The following KIF16B variants were observed in gnomAD, a reference collection of about 807,000 sequenced individuals.
The protein encoded by KIF16B is kinesin family member 16B.
KIF16B carries 98 observed loss-of-function variants against 156.3 expected under a neutral mutation model. The ratio of observed to expected loss-of-function variants is 0.63; its 90% CI spans 0.53 to 0.74. The LOEUF is 0.74. Among genes scored for constraint, KIF16B ranks in the 30% least tolerant of loss-of-function variants. The probability of loss-of-function intolerance (pLI) is 0.00; values close to 1 mark genes in which losing one functional copy is unlikely to be tolerated. For missense variants in KIF16B, 1,421 were observed against 1,606.5 expected (o/e 0.88, Z 1.97); for synonymous variants, 564 against 583.7 (o/e 0.97, Z 0.49).
At chr20:16,395,811 A>C (rs568449662) in intron 17 of KIF16B, among the ~76,000 whole-genome samples, 1 of 152,260 alleles carries the variant, frequency 6.6e-6, no homozygotes, top group South Asian at 2.1e-4. Context: ...TTATATCGAC[A>C]CATTCAACAC....
intron 25 of KIF16B, among the ~76,000 whole-genome samples, chr20:16,279,068 C>T (rs1036120799): frequency 2.6e-5 from 4 of 152,214 alleles, no homozygotes; most frequent in Admixed American, 6.5e-5. Context: ...TTCGGTATCT[C>T]CCTTACAGTG....
At position 16,494,307 on chromosome 20, in the gene KIF16B, G is replaced by A. The variant is rs1317155119; in HGVS notation, c.1286C>T (p.Thr429Ile). The stretch of plus-strand genomic sequence containing the variant: ...AGTCCTTACTTTCAAAATATTTTGG[G>A]TTTCATTCCACTTATTTGTCCATTC... ...TKEWTNKWNE[T>I]QNILKEQTLA... The change falls in exon 12 of 26, where the codon ACC becomes ATC. Residue 429 changes from threonine (T) to isoleucine (I), a missense_variant. By Grantham distance (89) the Thr-to-Ile change is moderately conservative. Transcript: ENST00000354981. 1.2e-6 allele frequency: 2 copies of A among 1,601,402 alleles called. No individual in the cohort carries two copies. The highest frequency in any genetic ancestry group is 1.7e-5 in the Admixed American group (1 of 59,034).
At chr20:16,546,226 T>C (rs1225050641) in intron 1 of KIF16B, among the ~76,000 whole-genome samples, 3 of 152,196 alleles carry the variant, frequency 2.0e-5, no homozygotes, top group South Asian at 2.1e-4. Flanking sequence ...GTACATTACA[T>C]AACTTTGCTA....
At chr20:16,384,733 T>C (rs2065187615) in intron 17 of KIF16B, among the ~76,000 whole-genome samples, 1 of 152,094 alleles carries the variant, frequency 6.6e-6, no homozygotes, top group Non-Finnish European at 1.5e-5. Context: ...TTTGCCTTGA[T>C]CCTAGGTACT....
intron 6 of KIF16B, among the ~76,000 whole-genome samples, chr20:16,508,633 A>T (rs983612249): frequency 2.0e-5 from 3 of 152,172 alleles, no homozygotes; most frequent in African/African-American, 7.2e-5. Flanking sequence ...GAGCTCAGAT[A>T]GTAACGCTTG....
At chr20:16,439,858 G>T (rs1015878998) in intron 12 of KIF16B, among the ~76,000 whole-genome samples, 2 of 152,066 alleles carry the variant, frequency 1.3e-5, no homozygotes, top group African/African-American at 4.8e-5. Flanking sequence ...GAACAGCACA[G>T]GAAAGACCTG....
At chr20:16,428,822 C>T in intron 14 of KIF16B, 131 bp downstream of exon 14, 1 of 720,582 alleles carries the variant, frequency 1.4e-6, no homozygotes, top group Non-Finnish European at 2.4e-6. Flanking sequence ...TACGTACATA[C>T]TGACCAACAC....
intron 12 of KIF16B, among the ~76,000 whole-genome samples, chr20:16,447,093 C>T (rs1049765030): frequency 9.2e-5 from 14 of 152,104 alleles, no homozygotes; most frequent in African/African-American, 3.4e-4. Flanking sequence ...TGACAGGCCA[C>T]ACTTGCAAAT....
At chr20:16,403,794 T>G (rs1299241273) in intron 17 of KIF16B, among the ~76,000 whole-genome samples, 1 of 152,178 alleles carries the variant, frequency 6.6e-6, no homozygotes, top group Non-Finnish European at 1.5e-5. Flanking sequence ...AACACTGGCT[T>G]GGGCTGAAGG....
chr20:16,516,871 A>G (rs193250559), intron 3 of KIF16B, among the ~76,000 whole-genome samples: 35 of 152,322 alleles, frequency 2.3e-4, no homozygotes, highest in African/African-American at 7.9e-4. Flanking sequence ...ATATTCTTCT[A>G]AACTCCCTAT....
intron 12 of KIF16B, among the ~76,000 whole-genome samples, chr20:16,449,316 A>C (rs2067017582): frequency 6.6e-6 from 1 of 152,218 alleles, no homozygotes; most frequent in Non-Finnish European, 1.5e-5. Context: ...TAGTATCAAC[A>C]CAAAAACAGA....
intron 15 of KIF16B, among the ~76,000 whole-genome samples, chr20:16,409,668 T>C (rs1376709798): frequency 1.3e-5 from 2 of 151,446 alleles, no homozygotes; most frequent in East Asian, 3.9e-4. Context: ...GGAAGATATG[T>C]AGGAGATAAA....
intron 12 of KIF16B, 125 bp downstream of exon 12, chr20:16,494,166 T>C (rs919436292): frequency 4.7e-6 from 3 of 632,434 alleles, no homozygotes; most frequent in African/African-American, 1.9e-5. Flanking sequence ...AAGTCACTAA[T>C]TGGTTCCAGT....
chr20:16,289,867 T>C (rs2122468279), intron 25 of KIF16B, among the ~76,000 whole-genome samples: 1 of 152,250 alleles, frequency 6.6e-6, no homozygotes, highest in Admixed American at 6.5e-5. Context: ...AAGAGTTGTG[T>C]TAAAACAAAG....
At chr20:16,332,875 G>A (rs1025113451) in intron 24 of KIF16B, among the ~76,000 whole-genome samples, 3 of 152,058 alleles carry the variant, frequency 2.0e-5, no homozygotes, top group African/African-American at 7.2e-5. Flanking sequence ...TCTCTTGATA[G>A]TTCTAATTGG....
In KIF16B at chr20:16,504,495, A is replaced by C. The variant is rs1177928649; in HGVS notation, c.1053T>G (p.Tyr351Ter). 2.5e-6 allele frequency: 4 copies of C among 1,614,130 alleles called. No individual in the cohort carries two copies. The highest frequency in any genetic ancestry group is 3.4e-6 in the Non-Finnish European group (4 of 1,179,974). ...TGATGATGTTTTTGGCTCTATTTGC[A>C]TAGCGAAGAGTACTTAGGGTTTCTC... ...NYGETLSTLRYANRAKNIINK... is the reference protein window; with the variant it reads ...NYGETLSTLR The change falls in exon 10 of 26, where the codon TAT (tyrosine) becomes TAG (stop). Residue 351 changes from tyrosine (Y) to a stop codon, truncating the protein, a stop_gained. Coordinates refer to ENST00000354981, the MANE Select transcript of KIF16B (RefSeq NM_024704.5). LOFTEE classifies it high-confidence loss of function.
chr20:16,542,274 T>A (rs2070234177), intron 1 of KIF16B, among the ~76,000 whole-genome samples: 1 of 152,204 alleles, frequency 6.6e-6, no homozygotes, highest in Non-Finnish European at 1.5e-5. Context: ...GAAATCCTTA[T>A]CTGGGATGTT....
At chr20:16,331,898 AC>A (rs2063954709) in intron 24 of KIF16B, among the ~76,000 whole-genome samples, 1 of 152,320 alleles carries the variant, frequency 6.6e-6, no homozygotes, top group Admixed American at 6.5e-5. Flanking sequence ...ATAATAATTG[AC>A]AAATACGTAA....
chr20:16,549,153 T>C (rs960022304), intron 1 of KIF16B, among the ~76,000 whole-genome samples: 1 of 150,624 alleles, frequency 6.6e-6, no homozygotes, highest in African/African-American at 2.5e-5. Context: ...ACTCGTCATC[T>C]AGCATTAGGT....
Sources: allele counts gnomAD v4.1 joint callset (sites outside exome capture counted in the v4.1 genomes callset), GRCh38; gene constraint gnomAD v4.1.1; transcripts MANE v1.5; gene names NCBI Gene and HGNC (gene_info 2026-07-23, HGNC 2026-07-21).